The following POU2F1 variants were observed in gnomAD, a reference collection of about 807,000 sequenced individuals.
The protein encoded by POU2F1 is POU class 2 homeobox 1.
Under a neutral mutation model 84.9 loss-of-function variants are expected in POU2F1, and 16 were observed. The observed-to-expected ratio is 0.19, with a 90% CI of 0.13 to 0.29. The LOEUF is 0.29. Among genes scored for constraint, POU2F1 ranks in the 10% least tolerant of loss-of-function variants. The pLI is 1.00. For missense variants in POU2F1, 738 were observed against 942.6 expected, an observed-to-expected ratio of 0.78 and a Z score of 2.84; for synonymous variants, 368 against 368.3, an observed-to-expected ratio of 1.00 and a Z score of 0.01.
chr1:167,232,238 A>C (rs1241551581), intron 1 of POU2F1, among the ~76,000 whole-genome samples: 1 of 152,206 alleles, frequency 6.6e-6, no homozygotes, highest in African/African-American at 2.4e-5. Context: ...CTGTACAATC[A>C]CGTACCGCAT....
chr1:167,252,926 G>T (rs571092746), intron 1 of POU2F1, among the ~76,000 whole-genome samples: 1 of 152,250 alleles, frequency 6.6e-6, no homozygotes, highest in Admixed American at 6.5e-5. Flanking sequence ...TGTGCTGACC[G>T]CCATTTTGCC....
intron 2 of POU2F1, among the ~76,000 whole-genome samples, chr1:167,358,354 T>A (rs1214615762): frequency 1.3e-5 from 2 of 151,980 alleles, no homozygotes; most frequent in African/African-American, 2.4e-5. Flanking sequence ...TGGCTTGTAT[T>A]TATATTTTTC....
chr1:167,292,663 T>TA lies in POU2F1; in HGVS notation c.62-39798dup, dbSNP rs1057321185. The stretch of plus-strand genomic sequence containing the variant: ...GATACCAAAACCAGGAAAGAACATT[T>TA]AAAAAAAAACTACAAGAAATAATAA... On this transcript the variant is annotated intron_variant, in intron 1 of 15. Transcript: ENST00000367866. 1.7e-4 allele frequency among the ~76,000 whole-genome samples: 25 copies of TA among 149,590 alleles called. 1 individual carries two copies. The highest frequency in any genetic ancestry group is 4.2e-4 in the African/African-American group (17 of 40,822).
intron 1 of POU2F1, among the ~76,000 whole-genome samples, chr1:167,244,466 A>G (rs1219175694): frequency 6.6e-6 from 1 of 152,238 alleles, no homozygotes; most frequent in East Asian, 1.9e-4. Context: ...CTTCAGAGCA[A>G]GCACATGAGA....
intron 1 of POU2F1, among the ~76,000 whole-genome samples, chr1:167,319,838 ACTC>A (rs757112114): frequency 3.3e-5 from 5 of 152,158 alleles, no homozygotes; most frequent in Admixed American, 2.0e-4. Flanking sequence ...TCGAGGATTA[ACTC>A]CTCCTGTAAA....
At chr1:167,371,391 C>G (rs1659990657) in intron 4 of POU2F1, among the ~76,000 whole-genome samples, 1 of 152,152 alleles carries the variant, frequency 6.6e-6, no homozygotes, top group Admixed American at 6.5e-5. Context: ...GTAAAATTTT[C>G]TCTTCGTGCC....
intron 1 of POU2F1, among the ~76,000 whole-genome samples, chr1:167,328,654 T>C (rs1656870218): frequency 6.6e-6 from 1 of 152,200 alleles, no homozygotes; most frequent in African/African-American, 2.4e-5. Flanking sequence ...CCCTTGGTAC[T>C]ATCTCCAGTT....
chr1:167,237,546 A>G (rs914716937), intron 1 of POU2F1, among the ~76,000 whole-genome samples: 1 of 151,876 alleles, frequency 6.6e-6, no homozygotes, highest in Non-Finnish European at 1.5e-5. Flanking sequence ...ATGTTTGTAA[A>G]TATTTTGTGA....
At chr1:167,367,394 G>A (rs1269155845) in intron 3 of POU2F1, among the ~76,000 whole-genome samples, 2 of 152,108 alleles carry the variant, frequency 1.3e-5, no homozygotes, top group South Asian at 4.1e-4. Flanking sequence ...TACAATAGGT[G>A]TTCAGTAATT....
chr1:167,375,476 G>C (rs1029783078), intron 6 of POU2F1, among the ~76,000 whole-genome samples: 5 of 152,130 alleles, frequency 3.3e-5, no homozygotes, highest in African/African-American at 1.2e-4. Context: ...TGTTGTTAGG[G>C]ATTAAATTTT....
chr1:167,276,075 C>T (rs569749234), intron 1 of POU2F1, among the ~76,000 whole-genome samples: 3 of 152,346 alleles, frequency 2.0e-5, no homozygotes, highest in African/African-American at 7.2e-5. Flanking sequence ...CAGCTTCCCA[C>T]AGTCAACTGC....
intron 1 of POU2F1, among the ~76,000 whole-genome samples, chr1:167,258,961 G>A (rs1302736584): frequency 6.6e-6 from 1 of 152,196 alleles, no homozygotes; most frequent in Non-Finnish European, 1.5e-5. Context: ...CATCATACCA[G>A]ATTTTGCGTA....
At chr1:167,265,969 T>C (rs1651921060) in intron 1 of POU2F1, among the ~76,000 whole-genome samples, 1 of 152,280 alleles carries the variant, frequency 6.6e-6, no homozygotes, top group African/African-American at 2.4e-5. Flanking sequence ...CAGACCTGTA[T>C]ACTTCTACAA....
At chr1:167,220,979 C>T (rs528865097) in intron 1 of POU2F1, 21 bp downstream of exon 1, 1 of 1,528,308 alleles carries the variant, frequency 6.5e-7, no homozygotes, top group Non-Finnish European at 8.8e-7. Context: ...CAGCATTTTA[C>T]ATATTCATAT....
chr1:167,274,381 G>T (rs772837900), intron 1 of POU2F1, among the ~76,000 whole-genome samples: 4 of 151,958 alleles, frequency 2.6e-5, no homozygotes, highest in Non-Finnish European at 4.4e-5. Context: ...AAATTCACTT[G>T]GTTATTTCAG....
chr1:167,325,821 A>G (rs1028170888), intron 1 of POU2F1, among the ~76,000 whole-genome samples: 8 of 151,796 alleles, frequency 5.3e-5, no homozygotes, highest in Admixed American at 5.2e-4. Flanking sequence ...ACTAGAAGGC[A>G]GAGGTTGTAG....
At chr1:167,302,768 A>G (rs1477824799) in intron 1 of POU2F1, among the ~76,000 whole-genome samples, 1 of 152,216 alleles carries the variant, frequency 6.6e-6, no homozygotes, top group Non-Finnish European at 1.5e-5. Flanking sequence ...ACTGACTTAT[A>G]CCAGTTATAC....
intron 2 of POU2F1, among the ~76,000 whole-genome samples, chr1:167,339,854 AATC>A (rs1318454526): frequency 6.6e-6 from 1 of 152,264 alleles, no homozygotes; most frequent in Admixed American, 6.5e-5. Context: ...AATTTGTTAT[AATC>A]ATTTGTACTA....
intron 1 of POU2F1, among the ~76,000 whole-genome samples, chr1:167,280,793 A>G (rs1653076317): frequency 6.6e-6 from 1 of 152,198 alleles, no homozygotes; most frequent in East Asian, 1.9e-4. Context: ...GTGAAATTAT[A>G]ATTGTGCTAA....
Sources: allele counts gnomAD v4.1 joint callset (sites outside exome capture counted in the v4.1 genomes callset), GRCh38; gene constraint gnomAD v4.1.1; transcripts MANE v1.5; gene names NCBI Gene and HGNC (gene_info 2026-07-23, HGNC 2026-07-21).